Variants in RAMP1 observed in about 807,000 individuals in gnomAD.
RAMP1 encodes receptor activity modifying protein 1, also known as receptor activity-modifying protein 1.
Under a neutral mutation model 8.2 loss-of-function variants are expected in RAMP1, and 7 were observed. The observed-to-expected ratio is 0.85, with a 90% confidence interval of 0.49 to 1.60. The LOEUF (loss-of-function observed/expected upper bound fraction) is 1.60. Ranked by LOEUF, RAMP1 falls within the 40% of genes most tolerant of loss-of-function variation. The pLI, the probability that RAMP1 is intolerant of heterozygous loss-of-function variation, is 0.00. For synonymous variants in RAMP1, 92 were observed against 84.7 expected (o/e 1.09, Z -0.47); for missense variants, 192 against 202.4 (o/e 0.95, Z 0.31).
chr2:237,896,849 G>C (rs749309331), intron 2 of RAMP1, among the ~76,000 whole-genome samples: 5 of 151,798 alleles, frequency 3.3e-5, no homozygotes, highest in African/African-American at 7.3e-5. Context: ...GAGTCTCTCT[G>C]TGTTGCCCAG....
At chr2:237,864,916 C>T (rs571755651) in intron 1 of RAMP1, among the ~76,000 whole-genome samples, 5 of 152,220 alleles carry the variant, frequency 3.3e-5, no homozygotes, top group African/African-American at 1.2e-4. Flanking sequence ...GCCTTTTTGA[C>T]TGAAGCATGG....
chr2:237,905,864 A>C (rs2062645956), intron 2 of RAMP1, among the ~76,000 whole-genome samples: 1 of 152,090 alleles, frequency 6.6e-6, no homozygotes. Flanking sequence ...TACAAAAATT[A>C]GCCAGGCATG....
chr2:237,895,555 G>A (rs180769170), intron 2 of RAMP1, among the ~76,000 whole-genome samples: 28 of 152,274 alleles, frequency 1.8e-4, no homozygotes, highest in Non-Finnish European at 3.7e-4. Context: ...CTGCTACCCC[G>A]ATGGAGGCGG....
intron 2 of RAMP1, among the ~76,000 whole-genome samples, chr2:237,886,350 T>G (rs369347650): frequency 1.3e-5 from 2 of 152,296 alleles, no homozygotes; most frequent in East Asian, 3.9e-4. Context: ...GCCCCTGGAA[T>G]GTGTTCAGGT....
intron 2 of RAMP1, among the ~76,000 whole-genome samples, chr2:237,902,587 C>T (rs1207039972): frequency 1.3e-5 from 2 of 152,120 alleles, no homozygotes; most frequent in South Asian, 2.1e-4. Flanking sequence ...CCGCGGGGCC[C>T]CCAGTTCCAC....
chr2:237,898,830 C>CAACCTCCGCCTCCCAAGTT, intron 2 of RAMP1, among the ~76,000 whole-genome samples: 2 of 152,186 alleles, frequency 1.3e-5, no homozygotes, highest in African/African-American at 4.8e-5. Flanking sequence ...CCAGGCCAGG[C>CAACCTCCGCCTCCCAAGTT]CACAGCGTGG....
chr2:237,859,859 T>A, intron 1 of RAMP1, 132 bp downstream of exon 1: 1 of 880,336 alleles, frequency 1.1e-6, no homozygotes, highest in Non-Finnish European at 1.5e-6. Flanking sequence ...ACAGATCCGC[T>A]GCCCTTGAAC....
chr2:237,908,716 G>T (rs553687558), intron 2 of RAMP1, among the ~76,000 whole-genome samples: 1 of 152,150 alleles, frequency 6.6e-6, no homozygotes, highest in Non-Finnish European at 1.5e-5. Context: ...GATTACAGGT[G>T]TTAAGCCACC....
chr2:237,894,320 G>A (rs1287957375), intron 2 of RAMP1, among the ~76,000 whole-genome samples: 1 of 152,222 alleles, frequency 6.6e-6, no homozygotes, highest in Non-Finnish European at 1.5e-5. Flanking sequence ...TTATACTGCA[G>A]TGAATTAAAG....
intron 2 of RAMP1, among the ~76,000 whole-genome samples, chr2:237,898,542 A>G (rs2151019428): frequency 6.6e-6 from 1 of 152,310 alleles, no homozygotes; most frequent in East Asian, 1.9e-4. Context: ...CCCAGCACAC[A>G]TTTCCCAGGC....
rs113996131 is a variant in RAMP1, at chr2:237,873,804, G to C, written c.53-3420G>C. ...CTTTGATGTTACCTCTCTCTGCAAG[G>C]AAAGAAACCACATCAGGCTCGTTTA... On this transcript the variant is annotated intron_variant, in intron 1 of 2. Coordinates refer to ENST00000254661, the MANE Select transcript of RAMP1 (RefSeq NM_005855.4). 5.4e-3 allele frequency among the ~76,000 whole-genome samples: 822 copies of C among 152,310 alleles called. 5 individuals are homozygous for C. The highest frequency in any genetic ancestry group is 8.3e-3 in the Non-Finnish European group (566 of 68,018).
At chr2:237,886,063 G>T (rs1408650965) in intron 2 of RAMP1, among the ~76,000 whole-genome samples, 1 of 152,210 alleles carries the variant, frequency 6.6e-6, no homozygotes, top group African/African-American at 2.4e-5. Context: ...AGTGACACCA[G>T]TCTGGCTCCC....
rs776504305 is a variant in RAMP1 at position 237,911,599 on chromosome 2, A to G, written c.263A>G (p.Glu88Gly). 9 of 1,614,136 alleles carry G rather than the reference A, an allele frequency of 5.6e-6. No individual in the cohort carries two copies. The highest frequency in any genetic ancestry group is 4.0e-5 in the African/African-American group (3 of 75,054). The change falls in exon 3 of 3, where the codon GAG becomes GGG. Residue 88 changes from glutamate (E) to glycine (G), a missense_variant. Transcript: ENST00000254661. ...CTGGGCTGCTTCTGGCCCAATGCAG[A>G]GGTGGACAGGTTCTTCCTGGCAGTG... Reference protein sequence around the residue: ...EKLGCFWPNAEVDRFFLAVHG... With the variant: ...EKLGCFWPNAGVDRFFLAVHG...
intron 2 of RAMP1, among the ~76,000 whole-genome samples, chr2:237,888,531 CT>C (rs1183794013): frequency 6.6e-6 from 1 of 152,122 alleles, no homozygotes; most frequent in Admixed American, 6.5e-5. Flanking sequence ...GTTTGCATGT[CT>C]TTGGCAATTA....
At chr2:237,905,838 C>A (rs897578645) in intron 2 of RAMP1, among the ~76,000 whole-genome samples, 10 of 151,932 alleles carry the variant, frequency 6.6e-5, no homozygotes, top group African/African-American at 2.4e-4. Context: ...TAGTGAAACC[C>A]CATCTCTACT....
chr2:237,866,564 C>T (rs1398440154), intron 1 of RAMP1, among the ~76,000 whole-genome samples: 1 of 152,050 alleles, frequency 6.6e-6, no homozygotes, highest in African/African-American at 2.4e-5. Context: ...CCTTGAACAA[C>T]GCAGGGGTGG....
intron 2 of RAMP1, among the ~76,000 whole-genome samples, chr2:237,896,406 C>T (rs925847047): frequency 2.0e-5 from 3 of 152,288 alleles, no homozygotes; most frequent in East Asian, 1.9e-4. Flanking sequence ...GATTCCTCCC[C>T]GGCCTGGGGC....
At chr2:237,889,060 C>T (rs1352711712) in intron 2 of RAMP1, among the ~76,000 whole-genome samples, 4 of 152,298 alleles carry the variant, frequency 2.6e-5, no homozygotes, top group South Asian at 4.1e-4. Context: ...CCACTTTGCC[C>T]GGCCATAGAT....
intron 2 of RAMP1, among the ~76,000 whole-genome samples, chr2:237,881,214 A>G (rs372689643): frequency 9.8e-5 from 15 of 152,300 alleles, no homozygotes; most frequent in African/African-American, 3.6e-4. Flanking sequence ...CATAACCTGG[A>G]ACTCTCTCCT....
Sources: allele counts gnomAD v4.1 joint callset (sites outside exome capture counted in the v4.1 genomes callset), GRCh38; gene constraint gnomAD v4.1.1; transcripts MANE v1.5; gene names NCBI Gene and HGNC (gene_info 2026-07-23, HGNC 2026-07-21).